The following TJAP1 variants were observed in gnomAD, a reference collection of about 807,000 sequenced individuals.
TJAP1 encodes tight junction associated protein 1, also known as tight junction-associated protein 1.
TJAP1 carries 27 observed loss-of-function variants against 42.0 expected under a neutral mutation model. That is an observed-to-expected ratio of 0.64 (90% confidence interval 0.47 to 0.89). The LOEUF (loss-of-function observed/expected upper bound fraction) is 0.89, where lower values mean the gene tolerates loss of function less well. TJAP1 is among the 40% of genes least tolerant of loss of function. The pLI is 0.00. For missense variants in TJAP1, 712 were observed against 726.9 expected (o/e 0.98, Z 0.24); for synonymous variants, 257 against 288.4 (o/e 0.89, Z 1.10).
chr6:43,500,746 A>T (rs1790341186), exon 5 of TJAP1: 12 of 1,613,860 alleles, frequency 7.4e-6, no homozygotes, highest in Non-Finnish European at 1.0e-5. Context: ...TTGCCTAGGA[A>T]CCCCTGACTG....
rs1294130464 is a variant in TJAP1, at chr6:43,491,549, C to G, written c.-121-6332C>G. 1.3e-5 allele frequency among the ~76,000 whole-genome samples: 2 copies of G among 152,084 alleles called. No homozygotes were observed. The highest frequency in any genetic ancestry group is 4.8e-5 in the African/African-American group (2 of 41,404). On this transcript the variant is annotated intron_variant, in intron 2 of 10. Coordinates refer to ENST00000372449, the Ensembl canonical transcript of TJAP1. This position sits in a 1 kb window ranked among gnomAD's most constrained non-coding sequence, Gnocchi z 4.6. ...AGGTGATCTGCCCGCCTTGGCCTCC[C>G]AAAGTGTTGGGATTACAGGTATGAG...
rs1434091325 is a variant in TJAP1 at position 43,505,355 on chromosome 6, C to A, written c.1174C>A (p.Pro392Thr). The A allele has an allele frequency of 2.5e-5, 40 of 1,609,220 alleles. No individual in the cohort carries two copies. Among genetic ancestry groups the A allele is most frequent in the Non-Finnish European group, 3.3e-5 (39 of 1,179,554 alleles). ...GGCCTCACCCCACCACCAGCCCAGC[C>A]CAGCACCCCTAACACTCAGTGCCCC... is the stretch of plus-strand genomic sequence containing the variant. Residue 392 changes from proline to threonine, a missense_variant, in exon 11 of 11, where the codon CCA becomes ACA. By Grantham distance (38) the Pro-to-Thr change is conservative. This residue lies in a region of TJAP1 where 549 missense variants were observed against 528.2 expected (regional missense o/e 1.04). Coordinates refer to ENST00000372449, the Ensembl canonical transcript of TJAP1. This position sits in a 1 kb window ranked among gnomAD's most constrained non-coding sequence, Gnocchi z 5.5.
intron 4 of TJAP1, 127 bp downstream of exon 4, chr6:43,499,227 GC>G (rs1789953667): frequency 1.4e-6 from 2 of 1,447,860 alleles, no homozygotes; most frequent in Non-Finnish European, 1.9e-6. Context: ...GCTGTTGCAG[GC>G]CTGAGGTCTC....
At chr6:43,504,995 G>C in exon 11 of TJAP1, 1 of 1,614,108 alleles carries the variant, frequency 6.2e-7, no homozygotes. Context: ...GGGTGTCCCA[G>C]GTGATCCAGC....
chr6:43,506,284 G>C (rs1792346715), exon 11 of TJAP1: 1 of 153,376 alleles, frequency 6.5e-6, no homozygotes, highest in Admixed American at 6.5e-5. Context: ...CTACCTGTTT[G>C]CTTCCCCCCC....
intron 2 of TJAP1, among the ~76,000 whole-genome samples, chr6:43,494,816 G>A (rs1788752689): frequency 6.6e-6 from 1 of 152,126 alleles, no homozygotes; most frequent in Admixed American, 6.6e-5. Flanking sequence ...CAAGTGATCC[G>A]CCTGCCTTGG....
At chr6:43,501,052 C>CCA (rs1184077598) in intron 5 of TJAP1, 7 of 500,026 alleles carry the variant, frequency 1.4e-5, no homozygotes, top group Non-Finnish European at 7.2e-6. Context: ...CAGCTCCTGG[C>CCA]TCCTGTACCA....
chr6:43,493,986 A>G (rs1050123814), intron 2 of TJAP1, among the ~76,000 whole-genome samples: 1 of 152,058 alleles, frequency 6.6e-6, no homozygotes, highest in Non-Finnish European at 1.5e-5. Context: ...CATGCCTTAC[A>G]CCTATTCTGT....
intron 2 of TJAP1, among the ~76,000 whole-genome samples, chr6:43,490,444 A>G (rs903648800): frequency 1.3e-5 from 2 of 152,240 alleles, no homozygotes; most frequent in Non-Finnish European, 2.9e-5. Context: ...TAGAGTGGGA[A>G]GGGACTTTTC....
chr6:43,503,274 C>A, intron 8 of TJAP1, 127 bp from the exon 9 acceptor site: 1 of 688,754 alleles, frequency 1.5e-6, no homozygotes. Context: ...CGTCATTTGT[C>A]TCTGCTCTGT....
chr6:43,502,193 C>T (rs1791068083), intron 6 of TJAP1, 90 bp from the exon 7 acceptor site: 3 of 1,322,798 alleles, frequency 2.3e-6, no homozygotes, highest in Non-Finnish European at 3.2e-6. Flanking sequence ...GGGAGAATGA[C>T]ATGTTCAAGA....
In TJAP1 at chr6:43,491,907, G is replaced by A. The variant is rs1294202360; in HGVS notation, c.-121-5974G>A. ...CAAATGGGGAGTTAACAAGCTGGAG[G>A]CTTTCTTGACTTGGCTCTGACCAGG... On this transcript the variant is annotated intron_variant, in intron 2 of 10. Transcript: ENST00000372449. This position sits in a 1 kb window ranked among gnomAD's most constrained non-coding sequence, Gnocchi z 4.6. Among the ~76,000 whole-genome samples, 3 of 152,332 alleles carry A rather than the reference G, an allele frequency of 2.0e-5. No homozygotes were observed. Among genetic ancestry groups the A allele is most frequent in the Admixed American group, 2.0e-4 (3 of 15,300 alleles).
At position 43,491,126 on chromosome 6, in the gene TJAP1, G is replaced by A. The variant is rs1787719632; in HGVS notation, c.-121-6755G>A. On this transcript the variant is annotated intron_variant, in intron 2 of 10. Transcript: ENST00000372449. This position sits in a 1 kb window ranked among gnomAD's most constrained non-coding sequence, Gnocchi z 4.6. ...TTGGGCTGGGTGAGAGAAGGCAGCAGCCTACCAGCACTGGGTGGGAGCTTG... is the reference window on the plus strand; with the variant it reads ...TTGGGCTGGGTGAGAGAAGGCAGCAACCTACCAGCACTGGGTGGGAGCTTG... Among the ~76,000 whole-genome samples, 1 of 152,180 alleles carries A rather than the reference G, an allele frequency of 6.6e-6. No individual in the cohort carries two copies. Among genetic ancestry groups the A allele is most frequent in the South Asian group, 2.1e-4 (1 of 4,820 alleles).
At chr6:43,480,964 A>G (rs1041079390) in intron 2 of TJAP1, among the ~76,000 whole-genome samples, 8 of 152,178 alleles carry the variant, frequency 5.3e-5, no homozygotes, top group African/African-American at 1.9e-4. Flanking sequence ...TAGGCATTCT[A>G]GCTTCAGCAG....
intron 2 of TJAP1, among the ~76,000 whole-genome samples, chr6:43,485,796 A>G (rs929081801): frequency 6.6e-6 from 1 of 152,216 alleles, no homozygotes; most frequent in East Asian, 1.9e-4. Context: ...ATTAAAGAAG[A>G]TGGAATCTAT....
intron 2 of TJAP1, among the ~76,000 whole-genome samples, chr6:43,490,338 G>A (rs141064995): frequency 6.5e-4 from 99 of 152,262 alleles, no homozygotes; most frequent in African/African-American, 2.3e-3. Flanking sequence ...GAATTGGTTC[G>A]AGTTTCTGTT....
chr6:43,494,200 A>T (rs1582006773), intron 2 of TJAP1, among the ~76,000 whole-genome samples: 3 of 152,216 alleles, frequency 2.0e-5, no homozygotes, highest in African/African-American at 7.2e-5. Flanking sequence ...GGCAATTAGG[A>T]AGCTATCACC....
intron 2 of TJAP1, among the ~76,000 whole-genome samples, chr6:43,496,401 C>T (rs1042293759): frequency 2.0e-5 from 3 of 152,192 alleles, no homozygotes; most frequent in Non-Finnish European, 4.4e-5. Flanking sequence ...CCCCACACCC[C>T]GGGAATGTGC....
rs753994042 is a variant in TJAP1 at position 43,505,844 on chromosome 6, C to G, written c.1663C>G (p.Leu555Val). ...GACCCAGGCCCAGGAGCAGGGCAAC[C>G]TGCTCAACTAGGGCCCCTGCTGGCC... Residue 555 changes from leucine (L) to valine (V), a missense_variant, in exon 11 of 11, where the codon CTG becomes GTG. Transcript: ENST00000372449. This position sits in a 1 kb window ranked among gnomAD's most constrained non-coding sequence, Gnocchi z 5.5. 6.8e-7 allele frequency: 1 copy of G among 1,473,804 alleles called. No individual in the cohort carries two copies. The highest frequency in any genetic ancestry group is 9.0e-7 in the Non-Finnish European group (1 of 1,116,962). 91.3% of individuals were successfully genotyped at this position (1,473,804 alleles called of 1,614,324 possible). A position where few individuals can be genotyped will look rare whatever the true frequency, so the allele number is the denominator to read the frequency against.
Sources: gnomAD v4.1 joint callset for allele counts (sites outside exome capture counted in the v4.1 genomes callset) on GRCh38, gnomAD v4.1.1 for gene constraint, gnomAD v4.1.1 regional missense constraint, Gnocchi (gnomAD v3.1) non-coding constraint, MANE v1.5 for transcripts, NCBI Gene and HGNC (gene_info 2026-07-23, HGNC 2026-07-21) for gene names.